NTM: variants seen among roughly 807,000 people sequenced by gnomAD.
The protein encoded by NTM is neurotrimin, also known as IgLON family member 2.
A neutral mutation model predicts 42.1 loss-of-function variants in NTM; 13 were observed. The observed-to-expected ratio is 0.31, with a 90% CI of 0.20 to 0.49. The LOEUF (loss-of-function observed/expected upper bound fraction) is 0.49. Among genes scored for constraint, NTM ranks in the 20% least tolerant of loss-of-function variants. The pLI is 0.99. For synonymous variants in NTM, 187 were observed against 179.2 expected (o/e 1.04, Z -0.35); for missense variants, 373 against 452.8 (o/e 0.82, Z 1.60).
chr11:131,707,819 A>G (rs1457413443), intron 1 of NTM, among the ~76,000 whole-genome samples: 1 of 152,148 alleles, frequency 6.6e-6, no homozygotes, highest in African/African-American at 2.4e-5. Flanking sequence ...ATCATACTCA[A>G]TGGTGAAAAG....
intron 1 of NTM, among the ~76,000 whole-genome samples, chr11:131,555,328 G>A (rs2055261782): frequency 6.6e-6 from 1 of 152,196 alleles, no homozygotes; most frequent in Non-Finnish European, 1.5e-5. Flanking sequence ...TTCTTAGGAG[G>A]AAGACAGGAT....
At chr11:132,102,237 T>C (rs750376070) in intron 2 of NTM, among the ~76,000 whole-genome samples, 15 of 152,214 alleles carry the variant, frequency 9.9e-5, no homozygotes, top group Non-Finnish European at 1.9e-4. Context: ...TAATAGAATA[T>C]ATACATATAC....
Position 132,153,837 on chromosome 11 carries a change from G to T in NTM, c.400+7323G>T, listed in dbSNP as rs550031036. 1.4e-4 allele frequency among the ~76,000 whole-genome samples: 22 copies of T among 152,242 alleles called. No homozygotes were observed. The South Asian group carries it at 4.6e-3, about 32-fold the overall frequency. On this transcript the variant is annotated intron_variant, in intron 3 of 8. Transcript: ENST00000683400. ...GAGACCACTATACTAACAAATATCTGTCTTATAAGGTAACAGGGATTAGGA... is the reference window on the plus strand; with the variant it reads ...GAGACCACTATACTAACAAATATCTTTCTTATAAGGTAACAGGGATTAGGA...
intron 1 of NTM, among the ~76,000 whole-genome samples, chr11:131,589,617 T>C (rs1474409170): frequency 6.6e-6 from 1 of 152,222 alleles, no homozygotes; most frequent in Non-Finnish European, 1.5e-5. Context: ...ATCTTATGCC[T>C]TTCATGTCCT....
chr11:131,854,844 T>G (rs1474366290), intron 1 of NTM, among the ~76,000 whole-genome samples: 2 of 152,186 alleles, frequency 1.3e-5, no homozygotes, highest in Non-Finnish European at 2.9e-5. Flanking sequence ...TAACTTGGGA[T>G]GTAGGTTTTT....
At chr11:131,891,873 T>C (rs1340191654) in intron 1 of NTM, among the ~76,000 whole-genome samples, 1 of 152,268 alleles carries the variant, frequency 6.6e-6, no homozygotes, top group Non-Finnish European at 1.5e-5. Context: ...CTCATTCGTC[T>C]GCTCCTGAAT....
At chr11:131,903,313 A>G (rs139214805) in intron 1 of NTM, among the ~76,000 whole-genome samples, 103 of 152,362 alleles carry the variant, frequency 6.8e-4, no homozygotes, top group Middle Eastern at 3.4e-3. Flanking sequence ...TGTCCCAGCT[A>G]GGCTTTAGGG....
At chr11:132,302,793 G>T (rs1276929933) in intron 4 of NTM, among the ~76,000 whole-genome samples, 2 of 152,166 alleles carry the variant, frequency 1.3e-5, no homozygotes, top group Admixed American at 6.5e-5. Flanking sequence ...GGCCTGGTGT[G>T]CTCCATCACT....
At chr11:131,918,372 T>C (rs1351160730) in intron 2 of NTM, among the ~76,000 whole-genome samples, 1 of 152,228 alleles carries the variant, frequency 6.6e-6, no homozygotes, top group Non-Finnish European at 1.5e-5. Context: ...CTTGCGTTCT[T>C]ATGCTTTGAC....
chr11:131,738,192 A>G (rs2080731581), intron 1 of NTM, among the ~76,000 whole-genome samples: 2 of 152,146 alleles, frequency 1.3e-5, no homozygotes, highest in South Asian at 2.1e-4. Context: ...TTTTGGATGG[A>G]CATGTGCAAT....
intron 2 of NTM, among the ~76,000 whole-genome samples, chr11:132,055,250 G>A (rs2079450646): frequency 6.6e-6 from 1 of 152,118 alleles, no homozygotes; most frequent in African/African-American, 2.4e-5. Flanking sequence ...TTCCAATTAT[G>A]GTGCTCACCC....
chr11:131,660,484 T>C (rs1185158819), intron 1 of NTM: 2 of 457,248 alleles, frequency 4.4e-6, no homozygotes, highest in Admixed American at 4.7e-5. Flanking sequence ...GGAGCTGACC[T>C]TCCTCCCTCC....
chr11:132,333,625 A>T (rs1360753042), intron 8 of NTM, among the ~76,000 whole-genome samples: 1 of 152,062 alleles, frequency 6.6e-6, no homozygotes, highest in African/African-American at 2.4e-5. Flanking sequence ...TTTTCTCCTT[A>T]ATGCAGGGTA....
In NTM at chr11:132,141,253, C is replaced by A. The variant is rs368825515; in HGVS notation, c.168-5029C>A. Among the ~76,000 whole-genome samples, 230 of 151,958 alleles carry A rather than the reference C, an allele frequency of 1.5e-3. 2 individuals carry two copies. The South Asian group carries it at 0.022, about 15-fold the overall frequency. On this transcript the variant is annotated intron_variant, in intron 2 of 8. Coordinates refer to ENST00000683400, the MANE Select transcript of NTM (RefSeq NM_001352005.2). The stretch of plus-strand genomic sequence containing the variant: ...TCTCTTTCTGTCTCTCTCTCTCTCC[C>A]TCTCTCTCCCCCCTACCCCTCTCTC...
chr11:131,736,844 G>A (rs1404976759), intron 1 of NTM, among the ~76,000 whole-genome samples: 2 of 152,172 alleles, frequency 1.3e-5, no homozygotes, highest in Non-Finnish European at 2.9e-5. Flanking sequence ...CCTGGAAGGA[G>A]CTTCATTTAT....
intron 1 of NTM, among the ~76,000 whole-genome samples, chr11:131,377,189 A>T (rs1379870225): frequency 2.0e-5 from 3 of 152,202 alleles, no homozygotes; most frequent in Non-Finnish European, 2.9e-5. Flanking sequence ...CTGGGTTCTC[A>T]TAACACAGAG....
chr11:132,163,887 T>C (rs1327256041), intron 3 of NTM, among the ~76,000 whole-genome samples: 2 of 152,078 alleles, frequency 1.3e-5, no homozygotes, highest in Non-Finnish European at 2.9e-5. Flanking sequence ...GCCCATGGTG[T>C]CTTTGTTTTT....
intron 4 of NTM, among the ~76,000 whole-genome samples, chr11:132,263,507 G>A (rs559583922): frequency 4.7e-4 from 71 of 152,264 alleles, no homozygotes; most frequent in African/African-American, 1.6e-3. Flanking sequence ...AGTCTGCCAC[G>A]CCCTTAGTGT....
rs2088024396 is a variant in NTM at position 131,781,115 on chromosome 11, G to C, written c.83-130449G>C. On this transcript the variant is annotated intron_variant, in intron 1 of 8. Coordinates refer to ENST00000683400, the MANE Select transcript of NTM (RefSeq NM_001352005.2). ...TAAAATAGAAAATGATGTAACTGCAGACTGATTTTAAAAGAGAGCTCTATT... is the reference window on the plus strand; with the variant it reads ...TAAAATAGAAAATGATGTAACTGCACACTGATTTTAAAAGAGAGCTCTATT... Among the ~76,000 whole-genome samples the C allele has an allele frequency of 2.6e-5, 4 of 152,042 alleles. No individual in the cohort carries two copies. The South Asian group carries it at 8.3e-4, about 32-fold the overall frequency.
Sources: allele counts gnomAD v4.1 joint callset (sites outside exome capture counted in the v4.1 genomes callset), GRCh38; gene constraint gnomAD v4.1.1; transcripts MANE v1.5; gene names NCBI Gene and HGNC (gene_info 2026-07-23, HGNC 2026-07-21).